Variants in PDGFC observed in about 807,000 individuals in gnomAD.
The protein encoded by PDGFC is platelet derived growth factor C, also known as platelet-derived growth factor C.
In PDGFC, 12 loss-of-function variants were observed where a neutral mutation model predicts 35.5. That is an observed-to-expected ratio of 0.34 (90% CI 0.22 to 0.55). The LOEUF (loss-of-function observed/expected upper bound fraction) is 0.55, where lower values mean the gene tolerates loss of function less well. Ranked by LOEUF, PDGFC falls within the 20% of genes least tolerant of loss-of-function variation. The probability of loss-of-function intolerance (pLI) is 0.91; values close to 1 mark genes in which losing one functional copy is unlikely to be tolerated. For synonymous variants in PDGFC, 159 were observed against 148.8 expected (o/e 1.07, Z -0.50); for missense variants, 322 against 412.4 (o/e 0.78, Z 1.90).
At chr4:156,857,897 T>C (rs1262730431) in intron 1 of PDGFC, among the ~76,000 whole-genome samples, 1 of 151,988 alleles carries the variant, frequency 6.6e-6, no homozygotes, top group Non-Finnish European at 1.5e-5. Flanking sequence ...AGATGTACGG[T>C]AGTATTGAAA....
At chr4:156,866,603 A>G (rs1729849242) in intron 1 of PDGFC, among the ~76,000 whole-genome samples, 1 of 152,066 alleles carries the variant, frequency 6.6e-6, no homozygotes, top group Non-Finnish European at 1.5e-5. Flanking sequence ...CATACACTAC[A>G]TTATTGTAAC....
At chr4:156,966,971 C>T (rs1156345683) in intron 1 of PDGFC, among the ~76,000 whole-genome samples, 1 of 151,488 alleles carries the variant, frequency 6.6e-6, no homozygotes, top group African/African-American at 2.4e-5. Flanking sequence ...TGGCACTGTA[C>T]TTGTTCAACT....
chr4:156,928,713 G>A (rs1231104410), intron 1 of PDGFC, among the ~76,000 whole-genome samples: 1 of 152,202 alleles, frequency 6.6e-6, no homozygotes, highest in Non-Finnish European at 1.5e-5. Flanking sequence ...AAGAGACTAT[G>A]AGAAATATCC....
At chr4:156,963,160 A>T (rs1012962540) in intron 1 of PDGFC, among the ~76,000 whole-genome samples, 8 of 151,946 alleles carry the variant, frequency 5.3e-5, no homozygotes, top group African/African-American at 1.9e-4. Flanking sequence ...GAAACAACCC[A>T]ACTACTAGTC....
At position 156,826,174 on chromosome 4, in the gene PDGFC, A is replaced by ATATT. The variant is rs1553967848; in HGVS notation, c.315-15158_315-15157insAATA. ...GCCACCATATCCAGCTTTGAGTTGG[A>ATATT]TTTTTTTTTTTTTTTTTTTTTTTTT... On this transcript the variant is annotated intron_variant, in intron 2 of 5. Transcript: ENST00000502773. Among the ~76,000 whole-genome samples, 32 of 43,794 alleles carry ATATT rather than the reference A, an allele frequency of 7.3e-4. No individual in the cohort carries two copies. The South Asian group carries it at 7.5e-3, about 10-fold the overall frequency. The allele number at this position is 43,794 out of a possible 152,430, so 28.7% of individuals were successfully genotyped here.
chr4:156,762,041 A>G lies in PDGFC; in HGVS notation c.*1049T>C, dbSNP rs1022481574. ...AAGTTGCTTTTTATTTTCATCTCCA[A>G]TAACAGGAATGGAAGATATGATAAT... On this transcript the variant is annotated 3_prime_UTR_variant, in exon 6 of 6. Transcript: ENST00000502773. The G allele has an allele frequency of 6.6e-6, 1 of 152,638 alleles. No individual in the cohort carries two copies. The highest frequency in any genetic ancestry group is 6.5e-5 in the Admixed American group (1 of 15,280). 9.5% of individuals were successfully genotyped at this position (152,638 alleles called of 1,614,324 possible). A position where few individuals can be genotyped will look rare whatever the true frequency, so the allele number is the denominator to read the frequency against.
chr4:156,882,258 G>C (rs1248260055), intron 1 of PDGFC, among the ~76,000 whole-genome samples: 1 of 152,134 alleles, frequency 6.6e-6, no homozygotes, highest in East Asian at 1.9e-4. Context: ...TGAATTTTGT[G>C]TAGTTATTCA....
intron 3 of PDGFC, among the ~76,000 whole-genome samples, chr4:156,775,657 C>A (rs778790625): frequency 4.7e-4 from 71 of 151,976 alleles, no homozygotes; most frequent in Non-Finnish European, 8.5e-4. Context: ...GAAGGCAAAA[C>A]AAGATAAGCC....
chr4:156,788,005 C>A (rs773578167), intron 3 of PDGFC, among the ~76,000 whole-genome samples: 1 of 152,070 alleles, frequency 6.6e-6, no homozygotes, highest in South Asian at 2.1e-4. Flanking sequence ...TGGACAGTAG[C>A]ACTACAGAAC....
At chr4:156,876,058 G>A (rs555465745) in intron 1 of PDGFC, among the ~76,000 whole-genome samples, 2 of 152,138 alleles carry the variant, frequency 1.3e-5, no homozygotes, top group East Asian at 3.9e-4. Context: ...AAGAAAACAT[G>A]AGTTGGAACA....
In PDGFC at chr4:156,767,965, C is replaced by T. The variant is rs773136318; in HGVS notation, c.729G>A (p.Glu243=). The change falls in exon 5 of 6, where the codon GAG becomes GAA. Residue 243 remains glutamate (E), a synonymous_variant. Coordinates refer to ENST00000502773, the MANE Select transcript of PDGFC (RefSeq NM_016205.3). ...GTGTGCAGCTGTATAATCTTACCTC[C>T]TCTGTTAGAAGGTTCAGATCCACCA... ...SRVVDLNLLT[E]EVRLYSCTPR... 6.2e-7 allele frequency: 1 copy of T among 1,610,016 alleles called. No individual in the cohort carries two copies. The highest frequency in any genetic ancestry group is 8.5e-7 in the Non-Finnish European group (1 of 1,176,446).
intron 2 of PDGFC, among the ~76,000 whole-genome samples, chr4:156,841,648 A>C (rs1477143990): frequency 1.3e-5 from 2 of 152,062 alleles, no homozygotes; most frequent in African/African-American, 4.8e-5. Flanking sequence ...CTGAGATTAC[A>C]AGCACGTGCC....
chr4:156,962,409 G>A (rs1732364623), intron 1 of PDGFC, among the ~76,000 whole-genome samples: 1 of 151,980 alleles, frequency 6.6e-6, no homozygotes, highest in Non-Finnish European at 1.5e-5. Flanking sequence ...CAACCACTTA[G>A]TAAATCAATA....
chr4:156,886,751 C>A (rs898202014), intron 1 of PDGFC: 1 of 152,144 alleles, frequency 6.6e-6, no homozygotes, highest in African/African-American at 2.4e-5. Context: ...AGAAGCTTCC[C>A]ATTTCTATAT....
At chr4:156,956,028 A>C (rs544977716) in intron 1 of PDGFC, among the ~76,000 whole-genome samples, 1 of 152,044 alleles carries the variant, frequency 6.6e-6, no homozygotes, top group Non-Finnish European at 1.5e-5. Flanking sequence ...CATTCTAAGC[A>C]TATGTCTAGT....
intron 1 of PDGFC, among the ~76,000 whole-genome samples, chr4:156,929,674 T>C (rs1227920095): frequency 6.6e-6 from 1 of 152,226 alleles, no homozygotes. Context: ...AAGGGTTAAC[T>C]CAGGTCAGCT....
At chr4:156,940,932 G>A (rs1310172634) in intron 1 of PDGFC, among the ~76,000 whole-genome samples, 1 of 152,086 alleles carries the variant, frequency 6.6e-6, no homozygotes, top group Non-Finnish European at 1.5e-5. Flanking sequence ...ATGTTAATGT[G>A]TTTATCCTTG....
At chr4:156,956,705 T>C (rs1279000765) in intron 1 of PDGFC, among the ~76,000 whole-genome samples, 1 of 152,064 alleles carries the variant, frequency 6.6e-6, no homozygotes. Flanking sequence ...AATAGCAATG[T>C]TAATATGTAC....
At chr4:156,897,828 A>G (rs1730671774) in intron 1 of PDGFC, among the ~76,000 whole-genome samples, 1 of 152,226 alleles carries the variant, frequency 6.6e-6, no homozygotes, top group Non-Finnish European at 1.5e-5. Context: ...TTAACTCTTC[A>G]TTATAACTAA....
Sources: gnomAD v4.1 joint callset for allele counts (sites outside exome capture counted in the v4.1 genomes callset) on GRCh38, gnomAD v4.1.1 for gene constraint, MANE v1.5 for transcripts, NCBI Gene and HGNC (gene_info 2026-07-23, HGNC 2026-07-21) for gene names.